The following LRRC4C variants were observed in gnomAD, a reference collection of about 807,000 sequenced individuals.
LRRC4C encodes leucine rich repeat containing 4C.
LRRC4C carries 5 observed loss-of-function variants against 33.6 expected under a neutral mutation model. The observed-to-expected ratio is 0.15, with a 90% CI of 0.08 to 0.31. LRRC4C has a LOEUF of 0.31. Among genes scored for constraint, LRRC4C ranks in the 10% least tolerant of loss-of-function variants. The pLI is 1.00. For missense variants in LRRC4C, 560 were observed against 796.7 expected, an observed-to-expected ratio of 0.70 and a Z score of 3.58; for synonymous variants, 329 against 302.0, an observed-to-expected ratio of 1.09 and a Z score of -0.93.
At chr11:40,418,437 A>G (rs1218924825) in intron 3 of LRRC4C, among the ~76,000 whole-genome samples, 2 of 152,206 alleles carry the variant, frequency 1.3e-5, no homozygotes, top group Non-Finnish European at 2.9e-5. Flanking sequence ...TCAGAATGAC[A>G]ATTATTAAAA....
intron 1 of LRRC4C, among the ~76,000 whole-genome samples, chr11:41,119,135 GC>G (rs1942293954): frequency 6.6e-6 from 1 of 151,606 alleles, no homozygotes; most frequent in African/African-American, 2.4e-5. Context: ...CTTTTTCATT[GC>G]CGTTTGCTGA....
rs1213344216 is a variant in LRRC4C, at chr11:40,667,308, T to C, written c.-406-19030A>G. ...TTTAACTCTGAATGTTATATATGAA[T>C]GATTTTCCTTTTACTTTTGCTTTCT... is the stretch of plus-strand genomic sequence containing the variant. On this transcript the variant is annotated intron_variant, in intron 2 of 6. Transcript: ENST00000528697. Among the ~76,000 whole-genome samples, 6 of 152,338 alleles carry C rather than the reference T, an allele frequency of 3.9e-5. No homozygotes were observed. In the South Asian group the frequency reaches 1.0e-3, roughly 26 times the overall value.
At chr11:41,416,791 G>A (rs373785925) in intron 1 of LRRC4C, among the ~76,000 whole-genome samples, 1 of 151,952 alleles carries the variant, frequency 6.6e-6, no homozygotes, top group South Asian at 2.1e-4. Flanking sequence ...GCGCTGCTAT[G>A]AGACTTTTTA....
intron 1 of LRRC4C, among the ~76,000 whole-genome samples, chr11:41,198,915 C>A (rs570893057): frequency 2.0e-5 from 3 of 152,100 alleles, no homozygotes; most frequent in South Asian, 4.1e-4. Flanking sequence ...GCAGTCTCAA[C>A]GGGTGTTTTA....
At chr11:40,275,444 A>ATAC (rs1943033375) in intron 4 of LRRC4C, among the ~76,000 whole-genome samples, 1 of 152,140 alleles carries the variant, frequency 6.6e-6, no homozygotes, top group African/African-American at 2.4e-5. Flanking sequence ...CATCATATCC[A>ATAC]TACTACAGAA....
chr11:40,521,029 A>G (rs1955788835), intron 3 of LRRC4C, among the ~76,000 whole-genome samples: 1 of 152,216 alleles, frequency 6.6e-6, no homozygotes, highest in Non-Finnish European at 1.5e-5. Flanking sequence ...GCACAAATGC[A>G]TATGCAGGAA....
chr11:41,033,184 A>G (rs1484710997), intron 1 of LRRC4C, among the ~76,000 whole-genome samples: 1 of 151,908 alleles, frequency 6.6e-6, no homozygotes, highest in Non-Finnish European at 1.5e-5. Context: ...AATATTGAGG[A>G]AAAAAAATCC....
chr11:40,528,843 G>T (rs74382347), intron 3 of LRRC4C, among the ~76,000 whole-genome samples: 14,174 of 152,170 alleles, frequency 0.093, 796 homozygotes, highest in Middle Eastern at 0.15. Flanking sequence ...GAACAGCATG[G>T]ATGAACCTGA....
Position 41,366,823 on chromosome 11 carries a change from A to T in LRRC4C, c.-496+92608T>A, listed in dbSNP as rs1416434695. Among the ~76,000 whole-genome samples, 3 of 152,144 alleles carry T rather than the reference A, an allele frequency of 2.0e-5. No individual in the cohort carries two copies. The East Asian group carries it at 5.8e-4, about 29-fold the overall frequency. ...TCTATCTACAAGACAAGGAGAAAGG[A>T]TTGATCTCAGACTTCCAGTCTCCAG... On this transcript the variant is annotated intron_variant, in intron 1 of 6. Transcript: ENST00000528697.
chr11:40,312,256 A>G (rs1378670367), intron 4 of LRRC4C, among the ~76,000 whole-genome samples: 2 of 152,212 alleles, frequency 1.3e-5, no homozygotes, highest in Non-Finnish European at 2.9e-5. Flanking sequence ...CAGTAACCAT[A>G]AATAAACAAT....
intron 6 of LRRC4C, among the ~76,000 whole-genome samples, chr11:40,130,216 T>C (rs1055312221): frequency 1.3e-5 from 2 of 152,186 alleles, no homozygotes; most frequent in African/African-American, 4.8e-5. Flanking sequence ...GATATTTCAC[T>C]CTCCAGGTAA....
At chr11:41,091,939 A>G (rs1276321117) in intron 1 of LRRC4C, among the ~76,000 whole-genome samples, 1 of 152,128 alleles carries the variant, frequency 6.6e-6, no homozygotes, top group Admixed American at 6.5e-5. Flanking sequence ...GGGATACAAT[A>G]TTGCCTATAA....
chr11:41,146,826 G>T (rs1306506989), intron 1 of LRRC4C, among the ~76,000 whole-genome samples: 1 of 152,166 alleles, frequency 6.6e-6, no homozygotes, highest in African/African-American at 2.4e-5. Flanking sequence ...TGTTCTCTCT[G>T]GGGATATTCT....
At chr11:41,088,092 T>G (rs1186957019) in intron 1 of LRRC4C, among the ~76,000 whole-genome samples, 1 of 152,062 alleles carries the variant, frequency 6.6e-6, no homozygotes, top group East Asian at 1.9e-4. Flanking sequence ...GCAGACAAAA[T>G]AGACCATCTA....
chr11:41,189,588 G>A (rs78277282), intron 1 of LRRC4C, among the ~76,000 whole-genome samples: 2,381 of 152,164 alleles, frequency 0.016, 28 homozygotes, highest in Middle Eastern at 0.034. Context: ...GAATGCAGCA[G>A]GATTAGAAAG....
At chr11:40,206,402 A>AT (rs1238225733) in intron 5 of LRRC4C, among the ~76,000 whole-genome samples, 5 of 108,342 alleles carry the variant, frequency 4.6e-5, no homozygotes, top group Non-Finnish European at 1.0e-4. Flanking sequence ...TGCCCAGCTA[A>AT]TTTTTGTATT....
intron 3 of LRRC4C, among the ~76,000 whole-genome samples, chr11:40,633,428 G>A (rs981169708): frequency 9.5e-5 from 10 of 105,472 alleles, no homozygotes; most frequent in Non-Finnish European, 1.8e-4. Flanking sequence ...TCACTCTATC[G>A]CCCAGGTTGG....
chr11:41,025,494 C>T (rs532129222), intron 1 of LRRC4C, among the ~76,000 whole-genome samples: 1 of 149,494 alleles, frequency 6.7e-6, no homozygotes, highest in Admixed American at 6.7e-5. Flanking sequence ...TTCTAATTGT[C>T]TTCATTTCTA....
chr11:41,290,473 C>G (rs1046898929), intron 1 of LRRC4C, among the ~76,000 whole-genome samples: 5 of 152,120 alleles, frequency 3.3e-5, no homozygotes, highest in Non-Finnish European at 5.9e-5. Flanking sequence ...TATACAAAAT[C>G]CATCCATACT....
Sources: allele counts gnomAD v4.1 joint callset (sites outside exome capture counted in the v4.1 genomes callset), GRCh38; gene constraint gnomAD v4.1.1; transcripts MANE v1.5; gene names NCBI Gene and HGNC (gene_info 2026-07-23, HGNC 2026-07-21).